Variants in ANTXR2 observed in about 807,000 individuals in gnomAD.
ANTXR2 encodes the protein anthrax toxin receptor 2.
A neutral mutation model predicts 73.7 loss-of-function variants in ANTXR2; 44 were observed. That is an observed-to-expected ratio of 0.60 (90% CI 0.47 to 0.77). The LOEUF (loss-of-function observed/expected upper bound fraction) is 0.77. ANTXR2 is among the 30% of genes least tolerant of loss of function. The pLI is 0.00. For synonymous variants in ANTXR2, 217 were observed against 205.9 expected, an observed-to-expected ratio of 1.05 and a Z score of -0.46; for missense variants, 604 against 592.5, an observed-to-expected ratio of 1.02 and a Z score of -0.20.
intron 10 of ANTXR2, among the ~76,000 whole-genome samples, chr4:80,020,573 T>C (rs188170077): frequency 5.9e-5 from 9 of 152,302 alleles, no homozygotes; most frequent in African/African-American, 1.9e-4. Context: ...TTCACAGTTT[T>C]ACAGATGGGG....
intron 11 of ANTXR2, among the ~76,000 whole-genome samples, chr4:80,017,913 T>C (rs1329547380): frequency 2.0e-5 from 3 of 152,198 alleles, no homozygotes; most frequent in Non-Finnish European, 4.4e-5. Context: ...AAGTAGCTGT[T>C]GGTAAAGACT....
At chr4:79,966,296 A>G (rs1729362989) in intron 16 of ANTXR2, among the ~76,000 whole-genome samples, 1 of 152,174 alleles carries the variant, frequency 6.6e-6, no homozygotes, top group South Asian at 2.1e-4. Flanking sequence ...TCTTTAGTAC[A>G]TGTAATTCCA....
intron 7 of ANTXR2, among the ~76,000 whole-genome samples, chr4:80,051,236 AAGG>A (rs1733760646): frequency 2.0e-5 from 3 of 151,728 alleles, no homozygotes; most frequent in African/African-American, 7.3e-5. Flanking sequence ...CTTATCCCCT[AAGG>A]TGACTCACTG....
chr4:79,983,426 A>C (rs1729971159), intron 14 of ANTXR2, among the ~76,000 whole-genome samples: 2 of 152,162 alleles, frequency 1.3e-5, no homozygotes, highest in South Asian at 4.1e-4. Flanking sequence ...GGCAACTAAC[A>C]TAAAGTATTA....
intron 6 of ANTXR2, among the ~76,000 whole-genome samples, chr4:80,054,756 C>G (rs754916011): frequency 3.3e-5 from 5 of 151,546 alleles, no homozygotes; most frequent in Non-Finnish European, 7.4e-5. Context: ...GAAAAATGAT[C>G]AGACTTTCAT....
In ANTXR2 at chr4:80,028,380, T is replaced by C. The variant is rs565284697; in HGVS notation, c.866+3243A>G. Among the ~76,000 whole-genome samples, 101 of 152,240 alleles carry C rather than the reference T, an allele frequency of 6.6e-4. 1 individual carries two copies. The highest frequency in any genetic ancestry group is 1.2e-3 in the Non-Finnish European group (82 of 67,994). On this transcript the variant is annotated intron_variant, in intron 10 of 16. Coordinates refer to ENST00000403729, the MANE Select transcript of ANTXR2 (RefSeq NM_058172.6). ...TACTCCCCCATCTCCCACATGCTCT[T>C]TTAAACCAAAATCCACAGGCCTTAA...
chr4:80,007,702 C>T (rs1296292294), intron 12 of ANTXR2, among the ~76,000 whole-genome samples: 2 of 152,214 alleles, frequency 1.3e-5, no homozygotes, highest in East Asian at 3.9e-4. Context: ...ACACATCTGG[C>T]TTTGCAGATA....
chr4:80,031,832 G>A (rs2110082496), intron 9 of ANTXR2, 140 bp from the exon 10 acceptor site: 1 of 428,250 alleles, frequency 2.3e-6, no homozygotes, highest in East Asian at 3.9e-5. Context: ...TAAAGAAAGA[G>A]AAGTGAAAGG....
chr4:80,059,042 T>C (rs1327470958), intron 3 of ANTXR2, among the ~76,000 whole-genome samples: 1 of 152,126 alleles, frequency 6.6e-6, no homozygotes, highest in Non-Finnish European at 1.5e-5. Flanking sequence ...AAGCCCACAG[T>C]AAATTTCTTA....
chr4:79,922,516 T>C (rs1383020686), intron 16 of ANTXR2, among the ~76,000 whole-genome samples: 2 of 152,078 alleles, frequency 1.3e-5, no homozygotes, highest in Non-Finnish European at 2.9e-5. Flanking sequence ...CTTTCAAAGG[T>C]TAAACATTTA....
chr4:79,953,968 C>T (rs1268549965), intron 16 of ANTXR2, among the ~76,000 whole-genome samples: 1 of 151,936 alleles, frequency 6.6e-6, no homozygotes, highest in Non-Finnish European at 1.5e-5. Flanking sequence ...AATTCAACAC[C>T]TGGGCCTATA....
chr4:79,952,395 A>G (rs1448191556), intron 16 of ANTXR2, among the ~76,000 whole-genome samples: 1 of 151,686 alleles, frequency 6.6e-6, no homozygotes, highest in African/African-American at 2.4e-5. Context: ...ATTATCTAGT[A>G]TTCACTAGAT....
At chr4:80,023,532 C>G (rs1578164464) in intron 10 of ANTXR2, among the ~76,000 whole-genome samples, 1 of 152,128 alleles carries the variant, frequency 6.6e-6, no homozygotes, top group Non-Finnish European at 1.5e-5. Context: ...TAAACAATTA[C>G]AAAAGAATGC....
At chr4:79,999,051 A>T in intron 12 of ANTXR2, among the ~76,000 whole-genome samples, 1 of 152,080 alleles carries the variant, frequency 6.6e-6, no homozygotes, top group Non-Finnish European at 1.5e-5. Flanking sequence ...GTATGAACTG[A>T]AAGATTTAAA....
intron 7 of ANTXR2, among the ~76,000 whole-genome samples, chr4:80,053,153 A>G (rs754039158): frequency 1.3e-4 from 19 of 151,612 alleles, no homozygotes; most frequent in Admixed American, 2.0e-4. Context: ...TGTATCCTGT[A>G]TTTTAAAACT....
rs139717560 is a variant in ANTXR2 at position 79,921,140 on chromosome 4, C to A, written c.1429-13673G>T. Among the ~76,000 whole-genome samples the A allele has an allele frequency of 2.5e-4, 38 of 152,164 alleles. 1 individual carries two copies. The East Asian group carries it at 6.6e-3, about 26-fold the overall frequency. The stretch of plus-strand genomic sequence containing the variant: ...AATTTTTTAACCTCACTTGTTAACA[C>A]CACATAGCAAAAAGTTTACATGCAA... On this transcript the variant is annotated intron_variant, in intron 16 of 16. Coordinates refer to ENST00000403729, the MANE Select transcript of ANTXR2 (RefSeq NM_058172.6).
chr4:79,995,232 T>C (rs1310251664), intron 12 of ANTXR2, among the ~76,000 whole-genome samples: 1 of 152,102 alleles, frequency 6.6e-6, no homozygotes, highest in African/African-American at 2.4e-5. Flanking sequence ...TCCTTATTTA[T>C]ACATGTCATC....
intron 12 of ANTXR2, among the ~76,000 whole-genome samples, chr4:80,000,103 G>A (rs1001898463): frequency 6.6e-6 from 1 of 151,982 alleles, no homozygotes; most frequent in Non-Finnish European, 1.5e-5. Flanking sequence ...CAATTCTTAG[G>A]TGAGGCATCC....
chr4:79,924,998 C>T (rs933569095), intron 16 of ANTXR2, among the ~76,000 whole-genome samples: 4 of 152,034 alleles, frequency 2.6e-5, no homozygotes, highest in Non-Finnish European at 5.9e-5. Context: ...TGAGAAAAAT[C>T]CAGCTGCAGC....
Sources: allele counts gnomAD v4.1 joint callset (sites outside exome capture counted in the v4.1 genomes callset), GRCh38; gene constraint gnomAD v4.1.1; transcripts MANE v1.5; gene names NCBI Gene and HGNC (gene_info 2026-07-23, HGNC 2026-07-21).